The following APOO variants were observed in gnomAD, a reference collection of about 807,000 sequenced individuals.
APOO encodes the protein apolipoprotein O.
A neutral mutation model predicts 23.1 loss-of-function variants in APOO; 11 were observed. The ratio of observed to expected loss-of-function variants is 0.48; its 90% confidence interval spans 0.30 to 0.79. The LOEUF (loss-of-function observed/expected upper bound fraction) is 0.79, where lower values mean the gene tolerates loss of function less well. Ranked by LOEUF, APOO falls within the 30% of genes least tolerant of loss-of-function variation. The pLI, the probability that APOO is intolerant of heterozygous loss-of-function variation, is 0.07. For missense variants in APOO, 160 were observed against 142.7 expected, an observed-to-expected ratio of 1.12 and a Z score of -0.62; for synonymous variants, 59 against 54.8, an observed-to-expected ratio of 1.08 and a Z score of -0.34.
intron 8 of APOO, among the ~76,000 whole-genome samples, chrX:23,835,422 A>G (rs1017396853): frequency 3.6e-5 from 4 of 112,080 alleles, no homozygotes; most frequent in African/African-American, 1.3e-4. Context: ...CTTTTAATAT[A>G]CAACCAAAAA....
intron 3 of APOO, among the ~76,000 whole-genome samples, chrX:23,877,619 C>T (rs1342418873): frequency 9.1e-6 from 1 of 110,095 alleles, no homozygotes; most frequent in Non-Finnish European, 1.9e-5. Flanking sequence ...ACGATAAATA[C>T]AAAAATGAGC....
intron 6 of APOO, 51 bp from the exon 7 acceptor site, chrX:23,856,433 A>G (rs946959703): frequency 2.1e-6 from 2 of 945,583 alleles, no homozygotes; most frequent in Admixed American, 4.8e-5. Flanking sequence ...AATCCCTATT[A>G]TTGGGAATAA....
intron 1 of APOO, among the ~76,000 whole-genome samples, chrX:23,888,041 C>T (rs1926450290): frequency 8.9e-6 from 1 of 112,161 alleles, no homozygotes; most frequent in Non-Finnish European, 1.9e-5. Flanking sequence ...GAGGGAGTGT[C>T]ATTGAGTTTT....
intron 5 of APOO, among the ~76,000 whole-genome samples, chrX:23,861,428 T>C (rs1925022092): frequency 1.8e-5 from 2 of 109,781 alleles, no homozygotes; most frequent in Non-Finnish European, 1.9e-5. Context: ...GAGATGCTGG[T>C]GCCATGCTTC....
chrX:23,853,709 T>C (rs1185659226), intron 7 of APOO, among the ~76,000 whole-genome samples: 1 of 109,643 alleles, frequency 9.1e-6, no homozygotes, highest in Non-Finnish European at 1.9e-5. Flanking sequence ...CACCACAAAC[T>C]CTACCTCCTG....
chrX:23,887,762 G>C (rs1313972670), intron 1 of APOO, among the ~76,000 whole-genome samples: 1 of 111,971 alleles, frequency 8.9e-6, no homozygotes, highest in Non-Finnish European at 1.9e-5. Flanking sequence ...TCAAAGTCAA[G>C]CAAGCTCTGT....
At chrX:23,862,248 A>G (rs1925087025) in intron 5 of APOO, among the ~76,000 whole-genome samples, 1 of 111,465 alleles carries the variant, frequency 9.0e-6, no homozygotes, top group Non-Finnish European at 1.9e-5. Context: ...ATTACTAAGT[A>G]TCATCAAATA....
chrX:23,845,408 T>C (rs1300308836), intron 7 of APOO, among the ~76,000 whole-genome samples: 1 of 111,719 alleles, frequency 9.0e-6, no homozygotes, highest in South Asian at 3.7e-4. Flanking sequence ...AAGTGTACAA[T>C]ACGGTACTGT....
chrX:23,902,663 T>C, intron 1 of APOO, among the ~76,000 whole-genome samples: 1 of 112,100 alleles, frequency 8.9e-6, no homozygotes, highest in Non-Finnish European at 1.9e-5. Flanking sequence ...GACCTGAAGA[T>C]GAATAACTAT....
chrX:23,858,754 C>T (rs1407616728), intron 5 of APOO, 21 bp from the exon 6 acceptor site: 3 of 1,145,933 alleles, frequency 2.6e-6, no homozygotes, highest in African/African-American at 1.8e-5. Context: ...AAAGGTTGTA[C>T]ACGCCATCAG....
In APOO at chrX:23,884,070, CAG is replaced by C. The variant is rs766300267; in HGVS notation, c.10-3120_10-3119del. 11 of 110,908 alleles carry C rather than the reference CAG, an allele frequency of 9.9e-5. No homozygotes were observed. The South Asian group carries it at 4.1e-3, about 41-fold the overall frequency. 9.1% of individuals were successfully genotyped at this position (110,908 alleles called of 1,213,427 possible). A position where few individuals can be genotyped will look rare whatever the true frequency, so the allele number is the denominator to read the frequency against. ...GGAGTTCGAGTTTTGTGGGAGGGAGCAGAGTGACAGAGAGATGAGTCAGAGAA... is the reference window on the plus strand; with the variant it reads ...GGAGTTCGAGTTTTGTGGGAGGGAGCAGTGACAGAGAGATGAGTCAGAGAA... On this transcript the variant is annotated intron_variant, in intron 1 of 8. Coordinates refer to ENST00000379226, the MANE Select transcript of APOO (RefSeq NM_024122.5).
intron 1 of APOO, among the ~76,000 whole-genome samples, chrX:23,900,280 C>T (rs752571357): frequency 2.7e-5 from 3 of 111,715 alleles, no homozygotes; most frequent in Non-Finnish European, 5.6e-5. Flanking sequence ...CGGTTCTTTT[C>T]GCATATTATC....
At chrX:23,893,273 A>AC (rs1278579717) in intron 1 of APOO, among the ~76,000 whole-genome samples, 3 of 107,601 alleles carry the variant, frequency 2.8e-5, no homozygotes, top group African/African-American at 1.0e-4. Flanking sequence ...AAAAAAAAAA[A>AC]AACAAAACAT....
intron 1 of APOO, 25 bp from the exon 2 acceptor site, chrX:23,880,977 CCTCT>C (rs758483389): frequency 9.3e-7 from 1 of 1,075,765 alleles, no homozygotes; most frequent in South Asian, 2.4e-5. Context: ...CAATCTTAAA[CCTCT>C]CTATGTTACA....
intron 7 of APOO, among the ~76,000 whole-genome samples, chrX:23,855,296 C>T (rs979120299): frequency 1.8e-5 from 2 of 109,660 alleles, no homozygotes; most frequent in African/African-American, 6.6e-5. Flanking sequence ...ATGTGCTGGG[C>T]GTGAGTCACT....
chrX:23,835,063 A>ATT (rs1156289632), intron 8 of APOO, among the ~76,000 whole-genome samples: 34 of 87,565 alleles, frequency 3.9e-4, no homozygotes, highest in African/African-American at 1.4e-3. Context: ...GCAATTAGAG[A>ATT]TTTTTTTTTT....
At chrX:23,866,982 C>A (rs908100808) in intron 5 of APOO, among the ~76,000 whole-genome samples, 5 of 109,409 alleles carry the variant, frequency 4.6e-5, no homozygotes. Flanking sequence ...CATCTATAAT[C>A]CCAGCTATTT....
chrX:23,854,514 T>A (rs1955584626), intron 7 of APOO, among the ~76,000 whole-genome samples: 1 of 111,960 alleles, frequency 8.9e-6, no homozygotes, highest in Non-Finnish European at 1.9e-5. Flanking sequence ...CATTTGTTTT[T>A]TTGCTTGTTT....
rs1350592965 is a variant in APOO at position 23,858,707 on chromosome X, G to A, written c.415C>T (p.Pro139Ser). Residue 139 changes from proline to serine, a missense_variant, in exon 6 of 9, where the codon CCG (proline) becomes TCG (serine). Pro to Ser is a moderately conservative substitution (Grantham distance 74, BLOSUM62 -1). Coordinates refer to ENST00000379226, the MANE Select transcript of APOO (RefSeq NM_024122.5). Reference sequence around the variant, plus strand: ...GCAGCTAATCCCATGAAACCAGGCGGATACACTAGCTTCTTTATTTTTGAA... The same window carrying A: ...GCAGCTAATCCCATGAAACCAGGCGAATACACTAGCTTCTTTATTTTTGAA... ...RGSKIKKLVY[P>S]PGFMGLAASL... 1 of 1,210,452 alleles carries A rather than the reference G, an allele frequency of 8.3e-7. No individual in the cohort carries two copies. Among genetic ancestry groups the A allele is most frequent in the African/African-American group, 1.7e-5 (1 of 57,719 alleles).
Sources: allele counts gnomAD v4.1 joint callset (sites outside exome capture counted in the v4.1 genomes callset), GRCh38; gene constraint gnomAD v4.1.1; transcripts MANE v1.5; gene names NCBI Gene and HGNC (gene_info 2026-07-23, HGNC 2026-07-21).